GABRA1: variants seen among roughly 807,000 people sequenced by gnomAD.
GABRA1 encodes the protein gamma-aminobutyric acid type A receptor subunit alpha1.
A neutral mutation model predicts 48.9 loss-of-function variants in GABRA1; 9 were observed. The observed-to-expected ratio is 0.18, with a 90% CI of 0.11 to 0.32. The LOEUF (loss-of-function observed/expected upper bound fraction) is 0.32, where lower values mean the gene tolerates loss of function less well. GABRA1 is among the 10% of genes least tolerant of loss of function. The pLI, the probability that GABRA1 is intolerant of heterozygous loss-of-function variation, is 1.00. For synonymous variants in GABRA1, 210 were observed against 198.7 expected, an observed-to-expected ratio of 1.06 and a Z score of -0.48; for missense variants, 285 against 553.8, an observed-to-expected ratio of 0.51 and a Z score of 4.87.
At chr5:161,851,032 G>A (rs1275876266) in intron 2 of GABRA1, 148 bp downstream of exon 2, 4 of 720,022 alleles carry the variant, frequency 5.6e-6, no homozygotes, top group Non-Finnish European at 9.9e-6. Flanking sequence ...GAATAAAGAG[G>A]AGCAGTATGA....
At chr5:161,859,796 G>A (rs60768803) in intron 3 of GABRA1, among the ~76,000 whole-genome samples, 27,334 of 151,696 alleles carry the variant, frequency 0.18, 3,285 homozygotes, top group African/African-American at 0.33. Flanking sequence ...CAAAGTGATA[G>A]CATTAGATAA....
intron 7 of GABRA1, among the ~76,000 whole-genome samples, chr5:161,885,404 A>G (rs2113424895): frequency 6.6e-6 from 1 of 152,294 alleles, no homozygotes; most frequent in African/African-American, 2.4e-5. Context: ...TGATGGTGAG[A>G]GAGAACACAC....
intron 4 of GABRA1, among the ~76,000 whole-genome samples, chr5:161,866,609 G>A (rs1039737846): frequency 6.6e-6 from 1 of 152,096 alleles, no homozygotes; most frequent in Admixed American, 6.6e-5. Flanking sequence ...CAGAGGGTCA[G>A]AATAAAACTT....
chr5:161,894,330 T>C (rs1340596893), intron 8 of GABRA1, among the ~76,000 whole-genome samples: 1 of 152,192 alleles, frequency 6.6e-6, no homozygotes, highest in Non-Finnish European at 1.5e-5. Context: ...GGACTTTCAA[T>C]TACCCTAATA....
intron 3 of GABRA1, among the ~76,000 whole-genome samples, chr5:161,862,569 G>A (rs754918443): frequency 6.6e-6 from 1 of 151,686 alleles, no homozygotes; most frequent in South Asian, 2.1e-4. Context: ...TAACTCTGTA[G>A]GTACTCACAT....
At chr5:161,893,989 T>G (rs1280246775) in intron 8 of GABRA1, among the ~76,000 whole-genome samples, 1 of 152,188 alleles carries the variant, frequency 6.6e-6, no homozygotes, top group Non-Finnish European at 1.5e-5. Flanking sequence ...ACATTTGGTT[T>G]AAAAATACCC....
chr5:161,868,937 A>T (rs1753992286), intron 4 of GABRA1, among the ~76,000 whole-genome samples: 1 of 152,200 alleles, frequency 6.6e-6, no homozygotes, highest in African/African-American at 2.4e-5. Context: ...AACCAACAAT[A>T]TTCCCTATTG....
chr5:161,870,627 C>CGAA (rs947136441), intron 4 of GABRA1, among the ~76,000 whole-genome samples: 3 of 147,256 alleles, frequency 2.0e-5, no homozygotes, highest in Non-Finnish European at 4.5e-5. Context: ...GAAAGACAGA[C>CGAA]AGACAGAAAG....
rs142449336 is a variant in GABRA1, at chr5:161,857,342, T to C, written c.187+3072T>C. The stretch of plus-strand genomic sequence containing the variant: ...ACTTGAGACTAATACAAGAAACTCC[T>C]GTATTTGCAAATCCATCATGACCTG... On this transcript the variant is annotated intron_variant, in intron 3 of 9. Coordinates refer to ENST00000393943, the MANE Select transcript of GABRA1 (RefSeq NM_001127644.2). Among the ~76,000 whole-genome samples, 146 of 151,624 alleles carry C rather than the reference T, an allele frequency of 9.6e-4. 1 individual carries two copies. Among genetic ancestry groups the C allele is most frequent in the African/African-American group, 3.4e-3 (141 of 41,512 alleles).
chr5:161,853,746 T>G (rs2113305044), intron 2 of GABRA1: 1 of 157,806 alleles, frequency 6.3e-6, no homozygotes, highest in Non-Finnish European at 1.4e-5. Context: ...AAACTTAGGC[T>G]TTTGCTGCAT....
chr5:161,881,991 GAGA>G (rs1754636324), intron 6 of GABRA1: 1 of 154,592 alleles, frequency 6.5e-6, no homozygotes, highest in Non-Finnish European at 1.4e-5. Context: ...GGAGGAGAAG[GAGA>G]AGGAGAAGGA....
At chr5:161,862,505 G>T (rs1581187001) in intron 3 of GABRA1, among the ~76,000 whole-genome samples, 4 of 151,462 alleles carry the variant, frequency 2.6e-5, no homozygotes, top group Admixed American at 1.3e-4. Context: ...CATTTTTTCA[G>T]AGCATTTATA....
rs765962499 is a variant in GABRA1, at chr5:161,895,647, T to TC, written c.857-19_857-18insC. The TC allele has an allele frequency of 1.0e-5, 13 of 1,281,778 alleles. No homozygotes were observed. Among genetic ancestry groups the TC allele is most frequent in the East Asian group, 2.6e-5 (1 of 38,000 alleles). 79.4% of individuals were successfully genotyped at this position (1,281,778 alleles called of 1,614,324 possible). The stretch of plus-strand genomic sequence containing the variant: ...ACAGTATGAACTGGCATCATGTATG[T>TC]TTTTTTTTTTCTTTACAGGAGTAAC... On this transcript the variant is annotated intron_variant, in intron 8 of 9. Transcript: ENST00000393943.
At chr5:161,856,623 T>A (rs1259486940) in intron 3 of GABRA1, among the ~76,000 whole-genome samples, 5 of 145,364 alleles carry the variant, frequency 3.4e-5, no homozygotes, top group African/African-American at 1.3e-4. Flanking sequence ...TACACTTAAA[T>A]GTGATGGATT....
At chr5:161,861,533 A>G (rs896173160) in intron 3 of GABRA1, among the ~76,000 whole-genome samples, 7 of 151,852 alleles carry the variant, frequency 4.6e-5, no homozygotes, top group African/African-American at 1.7e-4. Flanking sequence ...ATCCCAAAAC[A>G]CTGAAGAATC....
At chr5:161,847,844 T>C (rs2113278537), upstream of GABRA1, 1 of 152,230 alleles carries the variant, frequency 6.6e-6, no homozygotes, top group East Asian at 1.9e-4. Context: ...AAATCGGGTG[T>C]TCATAAATTG....
rs1360266065 is a variant in GABRA1, at chr5:161,898,077, A to C, written c.*655A>C. On this transcript the variant is annotated 3_prime_UTR_variant, in exon 10 of 10. Transcript: ENST00000393943. ...TTCATACGTAAAGGTGCAGTTGCTC[A>C]TTGTAGAGCACATTTAGTCCAATGA... The C allele has an allele frequency of 6.6e-6, 1 of 152,178 alleles. No homozygotes were observed. The highest frequency in any genetic ancestry group is 2.4e-5 in the African/African-American group (1 of 41,424). 9.4% of individuals were successfully genotyped at this position (152,178 alleles called of 1,614,324 possible).
intron 1 of GABRA1, 82 bp downstream of exon 1, chr5:161,848,504 TCG>T (rs1491513720): frequency 4.7e-4 from 3 of 6,446 alleles, no homozygotes; most frequent in East Asian, 0.012. Context: ...AATGTTATAG[TCG>T]GGGGGGGGGG....
rs975645426 is a variant in GABRA1 at position 161,898,112 on chromosome 5, C to A, written c.*690C>A. 2 of 152,198 alleles carry A rather than the reference C, an allele frequency of 1.3e-5. No individual in the cohort carries two copies. Among genetic ancestry groups the A allele is most frequent in the Non-Finnish European group, 2.9e-5 (2 of 68,052 alleles). The allele number at this position is 152,198 out of a possible 1,614,324, so 9.4% of individuals were successfully genotyped here. ...ACATTTAGTCCAATGAAGATAAATGCTTTAAATAGTTTACTTCACTTTCAT... is the reference window on the plus strand; with the variant it reads ...ACATTTAGTCCAATGAAGATAAATGATTTAAATAGTTTACTTCACTTTCAT... On this transcript the variant is annotated 3_prime_UTR_variant, in exon 10 of 10. Coordinates refer to ENST00000393943, the MANE Select transcript of GABRA1 (RefSeq NM_001127644.2).
Sources: gnomAD v4.1 joint callset for allele counts (sites outside exome capture counted in the v4.1 genomes callset) on GRCh38, gnomAD v4.1.1 for gene constraint, MANE v1.5 for transcripts, NCBI Gene and HGNC (gene_info 2026-07-23, HGNC 2026-07-21) for gene names.